MEMO1: variants seen among roughly 807,000 people sequenced by gnomAD.
The protein encoded by MEMO1 is mediator of cell motility 1.
In MEMO1, 6 loss-of-function variants were observed where a neutral mutation model predicts 45.2. The observed-to-expected ratio is 0.13, with a 90% CI of 0.07 to 0.26. The LOEUF (loss-of-function observed/expected upper bound fraction) is 0.26, where lower values mean the gene tolerates loss of function less well. Ranked by LOEUF, MEMO1 falls within the 10% of genes least tolerant of loss-of-function variation. The pLI is 1.00. For synonymous variants in MEMO1, 78 were observed against 124.3 expected (o/e 0.63, Z 2.48); for missense variants, 184 against 370.5 (o/e 0.50, Z 4.13).
intron 8 of MEMO1, 152 bp from the exon 9 acceptor site, chr2:31,870,104 C>A: frequency 1.6e-6 from 1 of 620,996 alleles, no homozygotes; most frequent in South Asian, 3.8e-5. Context: ...TGTGAAACAT[C>A]AAACTCATTC....
At chr2:31,959,466 C>T (rs1667758082) in intron 2 of MEMO1, among the ~76,000 whole-genome samples, 1 of 151,470 alleles carries the variant, frequency 6.6e-6, no homozygotes, top group Admixed American at 6.6e-5. Context: ...TTAACAGAAT[C>T]CAACTCTCTC....
intron 4 of MEMO1, among the ~76,000 whole-genome samples, chr2:31,926,291 G>A (rs750556877): frequency 2.6e-5 from 4 of 150,994 alleles, no homozygotes; most frequent in Non-Finnish European, 5.9e-5. Context: ...AGGATCACTT[G>A]AGCCTGGGAA....
chr2:31,983,974 G>A (rs1254083281), intron 2 of MEMO1, among the ~76,000 whole-genome samples: 1 of 152,190 alleles, frequency 6.6e-6, no homozygotes, highest in Non-Finnish European at 1.5e-5. Flanking sequence ...TGTGGGATTG[G>A]ATTACCTTCC....
intron 2 of MEMO1, among the ~76,000 whole-genome samples, chr2:32,005,269 A>G (rs1673917029): frequency 6.9e-6 from 1 of 144,802 alleles, no homozygotes; most frequent in South Asian, 2.4e-4. Flanking sequence ...GCAGTGAGCT[A>G]TGATCGAGCC....
chr2:31,894,623 C>G (rs1222474966), intron 6 of MEMO1, among the ~76,000 whole-genome samples: 1 of 152,164 alleles, frequency 6.6e-6, no homozygotes, highest in Non-Finnish European at 1.5e-5. Flanking sequence ...AAGCTCCACA[C>G]AAAACGCAGG....
At chr2:31,931,981 CAA>C (rs1664235564) in intron 4 of MEMO1, 84 bp downstream of exon 4, 1 of 1,146,504 alleles carries the variant, frequency 8.7e-7, no homozygotes, top group African/African-American at 1.5e-5. Flanking sequence ...TACATAATAA[CAA>C]TAAGTATAAA....
At chr2:31,900,788 A>G (rs1355045564) in intron 6 of MEMO1, among the ~76,000 whole-genome samples, 1 of 152,212 alleles carries the variant, frequency 6.6e-6, no homozygotes, top group Non-Finnish European at 1.5e-5. Flanking sequence ...ATAATCAAAA[A>G]TACTGACAAT....
intron 7 of MEMO1, among the ~76,000 whole-genome samples, chr2:31,889,432 G>A (rs1171363993): frequency 6.6e-6 from 1 of 151,892 alleles, no homozygotes; most frequent in Non-Finnish European, 1.5e-5. Context: ...TAAAAAGAAA[G>A]AAAAACCATT....
intron 7 of MEMO1, 77 bp from the exon 8 acceptor site, chr2:31,883,539 A>C: frequency 9.6e-7 from 1 of 1,046,920 alleles, no homozygotes; most frequent in Non-Finnish European, 1.4e-6. Context: ...TTACCAAATA[A>C]TTTCAGTTCT....
At chr2:31,873,127 G>A (rs896690838) in intron 8 of MEMO1, among the ~76,000 whole-genome samples, 9 of 152,158 alleles carry the variant, frequency 5.9e-5, no homozygotes, top group Admixed American at 5.2e-4. Context: ...TCTTAAAAGA[G>A]TAGAAGATAT....
intron 2 of MEMO1, among the ~76,000 whole-genome samples, chr2:31,955,467 C>G (rs771985259): frequency 3.3e-5 from 5 of 152,154 alleles, no homozygotes; most frequent in Admixed American, 6.5e-5. Context: ...CCAAATAACA[C>G]TGATAAGGGA....
chr2:31,944,068 T>TC (rs1259518298), intron 2 of MEMO1, among the ~76,000 whole-genome samples: 1 of 152,120 alleles, frequency 6.6e-6, no homozygotes, highest in Non-Finnish European at 1.5e-5. Flanking sequence ...GTGGCCTCAC[T>TC]CCTCTGCTCC....
At chr2:31,940,786 G>A (rs928506671) in intron 3 of MEMO1, among the ~76,000 whole-genome samples, 10 of 152,084 alleles carry the variant, frequency 6.6e-5, no homozygotes, top group Non-Finnish European at 1.3e-4. Flanking sequence ...TCCTGCTTAG[G>A]CCTCCCAAAG....
At chr2:31,879,497 G>C (rs1322316960) in intron 8 of MEMO1, among the ~76,000 whole-genome samples, 2 of 152,064 alleles carry the variant, frequency 1.3e-5, no homozygotes, top group African/African-American at 4.8e-5. Flanking sequence ...ATTTCAAAAT[G>C]TTTATCTCCA....
At chr2:31,893,534 G>A (rs758593877) in intron 6 of MEMO1, among the ~76,000 whole-genome samples, 1 of 152,142 alleles carries the variant, frequency 6.6e-6, no homozygotes, top group African/African-American at 2.4e-5. Flanking sequence ...AAGTGTCTGT[G>A]AGTAATTATG....
chr2:31,944,278 A>C (rs570739903), intron 2 of MEMO1, among the ~76,000 whole-genome samples: 7 of 152,296 alleles, frequency 4.6e-5, no homozygotes, highest in African/African-American at 9.6e-5. Context: ...TCCTATCTTT[A>C]AGATAGAGAA....
At chr2:32,009,671 G>C (rs1007435825) in intron 2 of MEMO1, among the ~76,000 whole-genome samples, 1 of 152,116 alleles carries the variant, frequency 6.6e-6, no homozygotes, top group Admixed American at 6.5e-5. Flanking sequence ...GGCACTCCCC[G>C]GACCGCCAGC....
intron 2 of MEMO1, among the ~76,000 whole-genome samples, chr2:31,962,332 G>A (rs1415975240): frequency 1.3e-5 from 2 of 152,140 alleles, no homozygotes; most frequent in African/African-American, 2.4e-5. Context: ...CGAGGCTGCA[G>A]TGAGCCAAGA....
intron 7 of MEMO1, among the ~76,000 whole-genome samples, chr2:31,891,169 GT>G (rs1199231812): frequency 2.0e-5 from 3 of 152,052 alleles, no homozygotes; most frequent in African/African-American, 7.2e-5. Flanking sequence ...TACATTTTAG[GT>G]TTCCTTATAA....
Sources: allele counts gnomAD v4.1 joint callset (sites outside exome capture counted in the v4.1 genomes callset), GRCh38; gene constraint gnomAD v4.1.1; transcripts MANE v1.5; gene names NCBI Gene and HGNC (gene_info 2026-07-23, HGNC 2026-07-21).